MEF2C: variants seen among roughly 807,000 people sequenced by gnomAD.
The protein encoded by MEF2C is myocyte enhancer factor 2C.
MEF2C carries 6 observed loss-of-function variants against 50.5 expected under a neutral mutation model. The observed-to-expected ratio is 0.12, with a 90% CI of 0.07 to 0.23. The LOEUF is 0.23. MEF2C is among the 10% of genes least tolerant of loss of function. MEF2C has a pLI of 1.00. For synonymous variants in MEF2C, 183 were observed against 228.0 expected, an observed-to-expected ratio of 0.80 and a Z score of 1.78; for missense variants, 276 against 605.0, an observed-to-expected ratio of 0.46 and a Z score of 5.70.
At chr5:88,900,621 A>T (rs185578534) in intron 1 of MEF2C, among the ~76,000 whole-genome samples, 193 of 152,110 alleles carry the variant, frequency 1.3e-3, no homozygotes, top group Non-Finnish European at 2.5e-3. Context: ...TTTTAGAACT[A>T]CATTTTAATA....
intron 1 of MEF2C, among the ~76,000 whole-genome samples, chr5:88,867,641 T>A (rs1827841310): frequency 6.6e-6 from 1 of 152,192 alleles, no homozygotes; most frequent in African/African-American, 2.4e-5. Flanking sequence ...TAATATAAGC[T>A]TTTACACACA....
At chr5:88,828,342 C>T (rs1168097609) in intron 1 of MEF2C, among the ~76,000 whole-genome samples, 1 of 151,958 alleles carries the variant, frequency 6.6e-6, no homozygotes. Context: ...TAAATAAAAA[C>T]AGCCTATGAA....
chr5:88,875,057 T>A (rs1183676026), intron 1 of MEF2C, among the ~76,000 whole-genome samples: 1 of 151,956 alleles, frequency 6.6e-6, no homozygotes, highest in Non-Finnish European at 1.5e-5. Context: ...ATCACATGGG[T>A]AACAGTTGAA....
chr5:88,744,010 G>A, intron 6 of MEF2C: 1 of 964,656 alleles, frequency 1.0e-6, no homozygotes, highest in Non-Finnish European at 1.2e-6. Flanking sequence ...AATTCCTAAA[G>A]GTTTTTCATT....
At chr5:88,839,007 G>A (rs1816259130) in intron 1 of MEF2C, among the ~76,000 whole-genome samples, 3 of 152,028 alleles carry the variant, frequency 2.0e-5, no homozygotes, top group Admixed American at 6.6e-5. Context: ...CATAATTGGC[G>A]ATATATTTAT....
At chr5:88,756,690 G>T (rs192658822) in intron 4 of MEF2C, among the ~76,000 whole-genome samples, 4 of 152,204 alleles carry the variant, frequency 2.6e-5, no homozygotes, top group Admixed American at 2.6e-4. Context: ...GAATGCAAAT[G>T]CTATAATCAC....
chr5:88,838,620 A>G (rs1304483983), intron 1 of MEF2C: 2 of 985,256 alleles, frequency 2.0e-6, no homozygotes, highest in African/African-American at 3.5e-5. Flanking sequence ...AGCTTGAAGC[A>G]GTCATTTTGC....
chr5:88,836,562 C>G (rs1279458516), intron 1 of MEF2C, among the ~76,000 whole-genome samples: 1 of 152,174 alleles, frequency 6.6e-6, no homozygotes, highest in Non-Finnish European at 1.5e-5. Context: ...TGTTCTCAGA[C>G]GAGCAAAATG....
chr5:88,759,431 G>C (rs984145658), intron 4 of MEF2C, among the ~76,000 whole-genome samples: 1 of 152,104 alleles, frequency 6.6e-6, no homozygotes, highest in East Asian at 1.9e-4. Context: ...GCGGTGAGTG[G>C]AGATCGTGCC....
At position 88,720,166 on chromosome 5, in the gene MEF2C, G is replaced by A. The variant is rs1755811826; in HGVS notation, c.*2438C>T. Reference sequence around the variant, plus strand: ...TTAGAAGGATGGGTTGTAAGGATGGGATCAAGTCTATGGTGAGGAAAATGA... The same window carrying A: ...TTAGAAGGATGGGTTGTAAGGATGGAATCAAGTCTATGGTGAGGAAAATGA... On this transcript the variant is annotated 3_prime_UTR_variant, in exon 11 of 11. Coordinates refer to ENST00000504921, the MANE Select transcript of MEF2C (RefSeq NM_002397.5). The A allele has an allele frequency of 6.6e-6, 1 of 152,052 alleles. No individual in the cohort carries two copies. Among genetic ancestry groups the A allele is most frequent in the African/African-American group, 2.4e-5 (1 of 41,440 alleles). The allele number at this position is 152,052 out of a possible 1,614,324, so 9.4% of individuals were successfully genotyped here.
chr5:88,749,306 A>G (rs1771481343), intron 5 of MEF2C, 189 bp from the exon 6 acceptor site: 1 of 970,018 alleles, frequency 1.0e-6, no homozygotes, highest in Non-Finnish European at 1.2e-6. Context: ...AATACATTCA[A>G]TCACTGACAT....
chr5:88,827,408 C>T (rs182222671), intron 1 of MEF2C, among the ~76,000 whole-genome samples: 4 of 152,018 alleles, frequency 2.6e-5, no homozygotes, highest in Admixed American at 2.6e-4. Context: ...TGCTTCCTTC[C>T]CTAAACTGTT....
chr5:88,783,525 C>A (rs1170339420), intron 3 of MEF2C, among the ~76,000 whole-genome samples: 1 of 151,954 alleles, frequency 6.6e-6, no homozygotes, highest in Non-Finnish European at 1.5e-5. Flanking sequence ...CCTAGCTACT[C>A]GGGAGGCTGA....
chr5:88,869,864 A>T (rs1328619094), intron 1 of MEF2C, among the ~76,000 whole-genome samples: 1 of 150,652 alleles, frequency 6.6e-6, no homozygotes, highest in African/African-American at 2.4e-5. Flanking sequence ...AGGATGGTGT[A>T]TCACGCGTCT....
chr5:88,826,176 A>T (rs1266043199), intron 1 of MEF2C, among the ~76,000 whole-genome samples: 1 of 151,940 alleles, frequency 6.6e-6, no homozygotes, highest in Non-Finnish European at 1.5e-5. Context: ...TTAAAAAAAA[A>T]TTTCTTAAAA....
intron 10 of MEF2C, among the ~76,000 whole-genome samples, chr5:88,725,858 G>A (rs1286815892): frequency 3.9e-5 from 6 of 152,080 alleles, no homozygotes; most frequent in Admixed American, 3.9e-4. Context: ...TTGACGTATG[G>A]AAATGCTTCC....
At chr5:88,843,768 C>T (rs1396162842) in intron 1 of MEF2C, among the ~76,000 whole-genome samples, 9 of 150,566 alleles carry the variant, frequency 6.0e-5, no homozygotes, top group East Asian at 1.9e-4. Flanking sequence ...TTGGCAACAA[C>T]GTCTTAATTT....
At chr5:88,825,769 C>T (rs1258656080) in intron 1 of MEF2C, 1 of 279,166 alleles carries the variant, frequency 3.6e-6, no homozygotes, top group African/African-American at 2.3e-5. Context: ...ACGTTTAAGA[C>T]CCCAAAGATA....
rs1338848309 is a variant in MEF2C at position 88,730,027 on chromosome 5, AC to A, written c.834+183del. On this transcript the variant is annotated intron_variant, in intron 8 of 10. Coordinates refer to ENST00000504921, the MANE Select transcript of MEF2C (RefSeq NM_002397.5). ...TATTGAAAACAGAAAAAATATTGAA[AC>A]AAAAAAAAAAACCTGACATTCTTTT... Among the ~76,000 whole-genome samples the A allele has an allele frequency of 2.6e-3, 294 of 114,766 alleles. 1 individual carries two copies. Among genetic ancestry groups the A allele is most frequent in the Non-Finnish European group, 4.9e-3 (234 of 47,374 alleles). The allele number at this position is 114,766 out of a possible 152,430, so 75.3% of individuals were successfully genotyped here. A position where few individuals can be genotyped will look rare whatever the true frequency, so the allele number is the denominator to read the frequency against.
Sources: allele counts gnomAD v4.1 joint callset (sites outside exome capture counted in the v4.1 genomes callset), GRCh38; gene constraint gnomAD v4.1.1; transcripts MANE v1.5; gene names NCBI Gene and HGNC (gene_info 2026-07-23, HGNC 2026-07-21).